Variants in SLIT2 observed in about 807,000 individuals in gnomAD.
The protein encoded by SLIT2 is slit homolog 2 protein.
SLIT2 carries 41 observed loss-of-function variants against 185.7 expected under a neutral mutation model. The ratio of observed to expected loss-of-function variants is 0.22; its 90% confidence interval spans 0.17 to 0.29. SLIT2 has a LOEUF of 0.29. Among genes scored for constraint, SLIT2 ranks in the 10% least tolerant of loss-of-function variants. The probability of loss-of-function intolerance (pLI) is 1.00; values close to 1 mark genes in which losing one functional copy is unlikely to be tolerated. For missense variants in SLIT2, 1,571 were observed against 1,909.0 expected, an observed-to-expected ratio of 0.82 and a Z score of 3.30; for synonymous variants, 693 against 680.2, an observed-to-expected ratio of 1.02 and a Z score of -0.29.
chr4:20,508,590 T>C (rs1270652616), intron 9 of SLIT2, among the ~76,000 whole-genome samples: 1 of 152,040 alleles, frequency 6.6e-6, no homozygotes, highest in African/African-American at 2.4e-5. Flanking sequence ...ACATAAAATA[T>C]GCTCAAAATT....
At chr4:20,340,637 G>C (rs1233204772) in intron 4 of SLIT2, among the ~76,000 whole-genome samples, 1 of 152,004 alleles carries the variant, frequency 6.6e-6, no homozygotes. Flanking sequence ...GTCTCGCTCT[G>C]TCCCCCGGGC....
intron 26 of SLIT2, chr4:20,554,415 G>A (rs1724057050): frequency 2.3e-6 from 1 of 438,734 alleles, no homozygotes; most frequent in East Asian, 7.2e-5. Context: ...GCCTTCCTGT[G>A]TTGATGTTCT....
intron 4 of SLIT2, among the ~76,000 whole-genome samples, chr4:20,321,769 G>A (rs916799973): frequency 6.6e-6 from 1 of 152,076 alleles, no homozygotes; most frequent in Non-Finnish European, 1.5e-5. Flanking sequence ...CTTTCATTTT[G>A]CATTCTCTCT....
At chr4:20,281,685 C>T (rs1011613620) in intron 4 of SLIT2, among the ~76,000 whole-genome samples, 1 of 152,066 alleles carries the variant, frequency 6.6e-6, no homozygotes, top group South Asian at 2.1e-4. Flanking sequence ...TACACAGGAA[C>T]GTGAGGGAAT....
At chr4:20,405,003 C>A (rs1452162031) in intron 4 of SLIT2, among the ~76,000 whole-genome samples, 1 of 145,064 alleles carries the variant, frequency 6.9e-6, no homozygotes, top group Non-Finnish European at 1.5e-5. Context: ...GTATATAATT[C>A]TCTGATTTTT....
intron 4 of SLIT2, among the ~76,000 whole-genome samples, chr4:20,316,536 T>C (rs1227525211): frequency 2.0e-5 from 3 of 152,054 alleles, no homozygotes; most frequent in Non-Finnish European, 4.4e-5. Context: ...TAAAGTCATC[T>C]ACTAAAAACA....
At chr4:20,544,432 A>G (rs1723080498) in intron 21 of SLIT2, among the ~76,000 whole-genome samples, 1 of 152,162 alleles carries the variant, frequency 6.6e-6, no homozygotes. Context: ...TATCTACAGC[A>G]TATTTCAACT....
At chr4:20,354,565 T>C (rs1279289635) in intron 4 of SLIT2, among the ~76,000 whole-genome samples, 2 of 152,196 alleles carry the variant, frequency 1.3e-5, no homozygotes, top group Non-Finnish European at 2.9e-5. Context: ...AACAAAAATA[T>C]ATAAACCTTT....
intron 30 of SLIT2, among the ~76,000 whole-genome samples, chr4:20,592,336 G>C (rs1727578613): frequency 6.6e-6 from 1 of 152,074 alleles, no homozygotes; most frequent in African/African-American, 2.4e-5. Context: ...ATCTTACATA[G>C]CCAGCTTTGG....
intron 4 of SLIT2, among the ~76,000 whole-genome samples, chr4:20,358,110 A>G (rs1175371863): frequency 1.3e-5 from 2 of 152,102 alleles, no homozygotes; most frequent in African/African-American, 4.8e-5. Context: ...AACTTACATA[A>G]TTGGTCCAGA....
intron 4 of SLIT2, among the ~76,000 whole-genome samples, chr4:20,321,710 C>T (rs1196638849): frequency 2.6e-5 from 4 of 152,202 alleles, no homozygotes; most frequent in Non-Finnish European, 5.9e-5. Context: ...GTTAGTGCCA[C>T]TTTACGTTAG....
At chr4:20,400,016 A>T (rs1487277571) in intron 4 of SLIT2, among the ~76,000 whole-genome samples, 1 of 151,790 alleles carries the variant, frequency 6.6e-6, no homozygotes, top group Non-Finnish European at 1.5e-5. Flanking sequence ...GAATGATCTC[A>T]TAGAACCCAG....
intron 4 of SLIT2, among the ~76,000 whole-genome samples, chr4:20,379,385 CTTTAT>C (rs1385525080): frequency 1.3e-5 from 2 of 152,072 alleles, no homozygotes. Context: ...ATATTATGTA[CTTTAT>C]TTTATGTTAC....
At chr4:20,578,880 C>A (rs1726286192) in intron 29 of SLIT2, among the ~76,000 whole-genome samples, 1 of 152,072 alleles carries the variant, frequency 6.6e-6, no homozygotes, top group Non-Finnish European at 1.5e-5. Flanking sequence ...AATCTGGGGA[C>A]AAAATGACCC....
At chr4:20,330,294 A>G (rs1348885846) in intron 4 of SLIT2, among the ~76,000 whole-genome samples, 4 of 152,096 alleles carry the variant, frequency 2.6e-5, no homozygotes, top group Admixed American at 6.6e-5. Context: ...CCTTTCCTGC[A>G]TATAACTTAT....
chr4:20,447,004 C>A (rs1048430768), intron 4 of SLIT2, among the ~76,000 whole-genome samples: 1 of 152,112 alleles, frequency 6.6e-6, no homozygotes, highest in African/African-American at 2.4e-5. Flanking sequence ...TCTAGGAATC[C>A]GTGCTATATG....
intron 4 of SLIT2, among the ~76,000 whole-genome samples, chr4:20,441,503 G>GCC (rs72605532): frequency 1.4e-5 from 1 of 73,342 alleles, no homozygotes; most frequent in Non-Finnish European, 2.9e-5. Flanking sequence ...TCTCTCTCTC[G>GCC]CCCCCCCCCA....
chr4:20,364,750 A>G (rs1265883953), intron 4 of SLIT2, among the ~76,000 whole-genome samples: 1 of 152,106 alleles, frequency 6.6e-6, no homozygotes, highest in East Asian at 1.9e-4. Context: ...TTTAAACCCA[A>G]TTCTTAACTT....
At chr4:20,393,739 G>T (rs1725641390) in intron 4 of SLIT2, 2 of 152,122 alleles carry the variant, frequency 1.3e-5, no homozygotes, top group South Asian at 2.1e-4. Context: ...TTTTCTTTCT[G>T]CAAGAGCTTC....
Sources: allele counts gnomAD v4.1 joint callset (sites outside exome capture counted in the v4.1 genomes callset), GRCh38; gene constraint gnomAD v4.1.1; transcripts MANE v1.5; gene names NCBI Gene and HGNC (gene_info 2026-07-23, HGNC 2026-07-21).